The following CERS6 variants were observed in gnomAD, a reference collection of about 807,000 sequenced individuals.
CERS6 encodes LAG1 homolog, ceramide synthase 6.
Under a neutral mutation model 56.8 loss-of-function variants are expected in CERS6, and 26 were observed. The ratio of observed to expected loss-of-function variants is 0.46; its 90% CI spans 0.34 to 0.63. The LOEUF (loss-of-function observed/expected upper bound fraction) is 0.63. CERS6 is among the 30% of genes least tolerant of loss of function. The pLI is 0.01. For synonymous variants in CERS6, 164 were observed against 173.3 expected, an observed-to-expected ratio of 0.95 and a Z score of 0.42; for missense variants, 415 against 467.5, an observed-to-expected ratio of 0.89 and a Z score of 1.04.
intron 1 of CERS6, among the ~76,000 whole-genome samples, chr2:168,464,585 C>CTGAT (rs1215635016): frequency 6.6e-6 from 1 of 151,674 alleles, no homozygotes; most frequent in Non-Finnish European, 1.5e-5. Flanking sequence ...GATGAAGTAA[C>CTGAT]TGATATTAAC....
chr2:168,649,387 G>A (rs912527072), intron 4 of CERS6, among the ~76,000 whole-genome samples: 2 of 152,130 alleles, frequency 1.3e-5, no homozygotes, highest in African/African-American at 4.8e-5. Context: ...ATCTCAGCGT[G>A]AAGTCAACCC....
intron 1 of CERS6, among the ~76,000 whole-genome samples, chr2:168,522,392 C>A (rs747239345): frequency 1.3e-5 from 2 of 152,156 alleles, no homozygotes; most frequent in African/African-American, 2.4e-5. Flanking sequence ...TAATGCTGAA[C>A]ATTAAAAATT....
At chr2:168,563,704 G>A (rs1026335561) in intron 3 of CERS6, among the ~76,000 whole-genome samples, 6 of 152,204 alleles carry the variant, frequency 3.9e-5, no homozygotes, top group Non-Finnish European at 7.3e-5. Context: ...GGCTGAGGCA[G>A]GAGAATGGCA....
At chr2:168,577,141 CAAAG>C (rs886215428) in intron 3 of CERS6, among the ~76,000 whole-genome samples, 63 of 151,972 alleles carry the variant, frequency 4.1e-4, no homozygotes, top group African/African-American at 1.4e-3. Flanking sequence ...TGCGAGATCT[CAAAG>C]AGAGTGAGGG....
Position 168,769,585 on chromosome 2 carries a change from C to G in CERS6, c.1078C>G (p.His360Asp). ...CTCAGAACCTCCGGGAAAGAATCCC[C>G]ACACTGCGACAACCACCAATGGGAC... Reference protein sequence around the residue: ...EDSEPPGKNPHTATTTNGTSG... With the variant: ...EDSEPPGKNPDTATTTNGTSG... Residue 360 changes from histidine to aspartate, a missense_variant, in exon 10 of 10, where the codon CAC becomes GAC. Physicochemically the swap from His to Asp is moderately conservative, Grantham distance 81 (BLOSUM62 -1). Transcript: ENST00000305747. 6.2e-7 allele frequency: 1 copy of G among 1,612,506 alleles called. No homozygotes were observed. Among genetic ancestry groups the G allele is most frequent in the Non-Finnish European group, 8.5e-7 (1 of 1,179,524 alleles).
chr2:168,464,748 GGTGA>G (rs960160369), intron 1 of CERS6, among the ~76,000 whole-genome samples: 4 of 150,646 alleles, frequency 2.7e-5, no homozygotes, highest in Admixed American at 2.6e-4. Flanking sequence ...CTAAATTCTG[GGTGA>G]GTGAGACCCC....
chr2:168,704,552 C>T (rs1686885630), intron 6 of CERS6, among the ~76,000 whole-genome samples: 1 of 152,154 alleles, frequency 6.6e-6, no homozygotes, highest in African/African-American at 2.4e-5. Context: ...TTCCCTTTGG[C>T]CTCCTGAAAA....
At chr2:168,568,898 C>T (rs1695932348) in intron 3 of CERS6, among the ~76,000 whole-genome samples, 1 of 152,182 alleles carries the variant, frequency 6.6e-6, no homozygotes, top group African/African-American at 2.4e-5. Context: ...GAAATTTCAT[C>T]AGTGACACTT....
At chr2:168,650,010 T>A (rs1685305427) in intron 4 of CERS6, among the ~76,000 whole-genome samples, 1 of 152,124 alleles carries the variant, frequency 6.6e-6, no homozygotes, top group South Asian at 2.1e-4. Context: ...GTAAGGTATA[T>A]TGAGAATTGA....
In CERS6 at chr2:168,456,535, G is replaced by C; in HGVS notation, c.87G>C (p.Glu29Asp). The C allele has an allele frequency of 6.2e-7, 1 of 1,614,088 alleles. No individual in the cohort carries two copies. Among genetic ancestry groups the C allele is most frequent in the South Asian group, 1.1e-5 (1 of 91,088 alleles). The change falls in exon 1 of 10, where the codon GAG becomes GAC. Residue 29 changes from glutamate (E) to aspartate (D), a missense_variant. Glu to Asp is a conservative substitution (Grantham distance 45, BLOSUM62 2). Coordinates refer to ENST00000305747, the MANE Select transcript of CERS6 (RefSeq NM_203463.3). This position sits in a 1 kb window ranked among gnomAD's most constrained non-coding sequence, Gnocchi z 4.1. ...VTWADLKNTEEATFPQAEDLY... is the reference protein window; with the variant it reads ...VTWADLKNTEDATFPQAEDLY... ...GGGCGGACCTGAAGAACACGGAGGA[G>C]GCCACCTTCCCGCAGGCTGAGGACC... is the stretch of plus-strand genomic sequence containing the variant.
intron 6 of CERS6, among the ~76,000 whole-genome samples, chr2:168,700,880 A>G (rs1284360848): frequency 6.6e-6 from 1 of 152,184 alleles, no homozygotes; most frequent in East Asian, 1.9e-4. Flanking sequence ...TGTAGTCATT[A>G]AGGCACTCCA....
chr2:168,655,519 A>G (rs1480487807), intron 4 of CERS6, among the ~76,000 whole-genome samples: 1 of 152,262 alleles, frequency 6.6e-6, no homozygotes, highest in East Asian at 1.9e-4. Context: ...GTGTATGTAC[A>G]CACAATGGAA....
chr2:168,764,781 A>C (rs1435034181), intron 8 of CERS6, among the ~76,000 whole-genome samples: 1 of 152,218 alleles, frequency 6.6e-6, no homozygotes, highest in Non-Finnish European at 1.5e-5. Context: ...TTACAAGTAG[A>C]TATGAATCAC....
chr2:168,728,199 A>C (rs1020512741), intron 8 of CERS6, among the ~76,000 whole-genome samples: 5 of 152,114 alleles, frequency 3.3e-5, no homozygotes, highest in African/African-American at 1.2e-4. Context: ...TGGCCCAGAA[A>C]GCCTAAAGTA....
Position 168,505,668 on chromosome 2 carries a change from T to C in CERS6, c.171-41928T>C, listed in dbSNP as rs552266816. Among the ~76,000 whole-genome samples the C allele has an allele frequency of 1.1e-3, 166 of 152,258 alleles. 5 individuals carry two copies. In the South Asian group the frequency reaches 0.034, roughly 31 times the overall value. ...CAGTATCTATTAGGGCTCAGACTGT[T>C]CAATTATTAAAGATCAGTTTCTCCC... On this transcript the variant is annotated intron_variant, in intron 1 of 9. Coordinates refer to ENST00000305747, the MANE Select transcript of CERS6 (RefSeq NM_203463.3).
chr2:168,570,767 G>T (rs1695971070), intron 3 of CERS6, among the ~76,000 whole-genome samples: 1 of 152,042 alleles, frequency 6.6e-6, no homozygotes, highest in African/African-American at 2.4e-5. Flanking sequence ...TTTTAATGTT[G>T]CCAAGCCCCA....
chr2:168,688,429 AAG>A (rs1491155761), intron 4 of CERS6, among the ~76,000 whole-genome samples: 30 of 151,774 alleles, frequency 2.0e-4, no homozygotes, highest in Non-Finnish European at 3.5e-4. Context: ...AAAAAAAAAA[AAG>A]AAGTTATGCC....
chr2:168,581,928 A>G (rs1373580083), intron 3 of CERS6, among the ~76,000 whole-genome samples: 2 of 152,184 alleles, frequency 1.3e-5, no homozygotes, highest in Non-Finnish European at 2.9e-5. Flanking sequence ...GGCATGGACG[A>G]TACCCCAGCC....
intron 1 of CERS6, among the ~76,000 whole-genome samples, chr2:168,517,825 G>A (rs1694910924): frequency 2.6e-5 from 4 of 152,074 alleles, no homozygotes; most frequent in Admixed American, 2.6e-4. Flanking sequence ...ATTATTTGTT[G>A]GAAGACAACC....
Sources: gnomAD v4.1 joint callset for allele counts (sites outside exome capture counted in the v4.1 genomes callset) on GRCh38, gnomAD v4.1.1 for gene constraint, Gnocchi (gnomAD v3.1) non-coding constraint, MANE v1.5 for transcripts, NCBI Gene and HGNC (gene_info 2026-07-23, HGNC 2026-07-21) for gene names.